KLHL5: variants seen among roughly 807,000 people sequenced by gnomAD.
KLHL5 encodes the protein kelch like family member 5.
In KLHL5, 48 loss-of-function variants were observed where a neutral mutation model predicts 77.7. The ratio of observed to expected loss-of-function variants is 0.62; its 90% CI spans 0.49 to 0.79. The LOEUF (loss-of-function observed/expected upper bound fraction) is 0.79. Ranked by LOEUF, KLHL5 falls within the 30% of genes least tolerant of loss-of-function variation. The pLI is 0.00. For missense variants in KLHL5, 723 were observed against 859.7 expected, an observed-to-expected ratio of 0.84 and a Z score of 1.99; for synonymous variants, 260 against 297.0, an observed-to-expected ratio of 0.88 and a Z score of 1.28.
intron 2 of KLHL5, among the ~76,000 whole-genome samples, chr4:39,079,568 C>T (rs181591173): frequency 8.5e-5 from 13 of 152,304 alleles, no homozygotes; most frequent in African/African-American, 2.9e-4. Flanking sequence ...CATCTTTGCC[C>T]GTGTCACTTT....
In KLHL5 at chr4:39,062,527, T is replaced by A. The variant is rs1243215816; in HGVS notation, c.-126T>A. ...TGTAGATATATATATGAATGTGATT[T>A]ATTTTCCTTTACATATTTTTGTTGT... On this transcript the variant is annotated 5_prime_UTR_variant, in exon 1 of 11. Coordinates refer to ENST00000504108, the MANE Select transcript of KLHL5 (RefSeq NM_015990.5). 4.4e-6 allele frequency: 7 copies of A among 1,608,224 alleles called. No individual in the cohort carries two copies. The highest frequency in any genetic ancestry group is 6.0e-6 in the Non-Finnish European group (7 of 1,175,284).
At chr4:39,079,075 C>G (rs942332598) in intron 2 of KLHL5, among the ~76,000 whole-genome samples, 1 of 152,060 alleles carries the variant, frequency 6.6e-6, no homozygotes. Flanking sequence ...TATTTCAACC[C>G]GAATTTCATA....
chr4:39,053,853 G>A (rs113747587), intron 1 of KLHL5, among the ~76,000 whole-genome samples: 2 of 152,268 alleles, frequency 1.3e-5, no homozygotes, highest in South Asian at 2.1e-4. Flanking sequence ...GGAATAAAAC[G>A]ATTCTTTTGA....
chr4:39,115,010 GA>G, intron 9 of KLHL5, 148 bp from the exon 10 acceptor site: 1 of 711,838 alleles, frequency 1.4e-6, no homozygotes, highest in Non-Finnish European at 2.3e-6. Context: ...AGTTTTCAGA[GA>G]AATACTGATA....
chr4:39,096,560 A>T, intron 5 of KLHL5, 132 bp from the exon 6 acceptor site: 1 of 603,810 alleles, frequency 1.7e-6, no homozygotes, highest in South Asian at 2.4e-5. Flanking sequence ...TGCATATTTT[A>T]GTTAAAAATA....
intron 1 of KLHL5, among the ~76,000 whole-genome samples, chr4:39,056,179 A>G (rs1006772597): frequency 1.3e-5 from 2 of 152,204 alleles, no homozygotes; most frequent in African/African-American, 4.8e-5. Flanking sequence ...CAGCCGTGCA[A>G]TGGCACAGTC....
intron 4 of KLHL5, among the ~76,000 whole-genome samples, chr4:39,082,805 A>C (rs752481793): frequency 3.0e-4 from 45 of 152,126 alleles, no homozygotes; most frequent in Non-Finnish European, 5.7e-4. Context: ...TTGACCTAGG[A>C]TAGTAAGAAA....
intron 2 of KLHL5, among the ~76,000 whole-genome samples, chr4:39,078,563 C>T (rs779955469): frequency 6.9e-4 from 105 of 152,072 alleles, no homozygotes; most frequent in Admixed American, 2.7e-3. Flanking sequence ...GGCGTGGTGG[C>T]GTGAACCTGT....
upstream of KLHL5, among the ~76,000 whole-genome samples, chr4:39,058,034 CAG>C (rs1177292290): frequency 6.6e-6 from 1 of 152,136 alleles, no homozygotes; most frequent in African/African-American, 2.4e-5. Flanking sequence ...GGTTTTGAAA[CAG>C]AAGTTGCACA....
chr4:39,062,239 C>CGGG lies in KLHL5; in HGVS notation c.-412_-410dup. ...AGCAGCAGAGACTGAGATACTGCAA[C>CGGG]GGGGATAGTGTTTTCTGTCTCTGTC... On this transcript the variant is annotated 5_prime_UTR_variant, in exon 1 of 11. Coordinates refer to ENST00000504108, the MANE Select transcript of KLHL5 (RefSeq NM_015990.5). 8.1e-7 allele frequency: 1 copy of CGGG among 1,239,604 alleles called. No individual in the cohort carries two copies. Among genetic ancestry groups the CGGG allele is most frequent in the Non-Finnish European group, 1.0e-6 (1 of 987,478 alleles). 76.8% of individuals were successfully genotyped at this position (1,239,604 alleles called of 1,614,324 possible).
At chr4:39,054,612 C>T (rs952167056) in intron 1 of KLHL5, among the ~76,000 whole-genome samples, 5 of 152,198 alleles carry the variant, frequency 3.3e-5, no homozygotes, top group Non-Finnish European at 7.3e-5. Context: ...AAGTGATTTG[C>T]CCAAATTATA....
intron 1 of KLHL5, among the ~76,000 whole-genome samples, chr4:39,048,389 A>T (rs1716361619): frequency 6.6e-6 from 1 of 152,092 alleles, no homozygotes. Context: ...TCATTGCTTC[A>T]CTCCATTTAT....
At chr4:39,087,117 G>T (rs1484754569) in intron 5 of KLHL5, among the ~76,000 whole-genome samples, 4 of 151,828 alleles carry the variant, frequency 2.6e-5, no homozygotes, top group Non-Finnish European at 4.4e-5. Context: ...CACCATATTG[G>T]CCAGGCTGGT....
At chr4:39,088,207 A>C (rs2109416328) in intron 5 of KLHL5, among the ~76,000 whole-genome samples, 1 of 152,348 alleles carries the variant, frequency 6.6e-6, no homozygotes, top group East Asian at 1.9e-4. Flanking sequence ...CTGTAGTTTC[A>C]GATATTTATG....
intron 4 of KLHL5, among the ~76,000 whole-genome samples, chr4:39,083,356 G>A (rs1449291092): frequency 6.6e-6 from 1 of 152,056 alleles, no homozygotes; most frequent in Non-Finnish European, 1.5e-5. Context: ...TCATTATATA[G>A]ATTTCCTCTA....
intron 8 of KLHL5, among the ~76,000 whole-genome samples, chr4:39,109,528 A>G (rs1722297173): frequency 1.3e-5 from 2 of 151,872 alleles, no homozygotes. Context: ...CGAACTCCTG[A>G]CCTCAGGTGA....
At chr4:39,136,300 C>T in the KLHL5 span, among the ~76,000 whole-genome samples, 1 of 151,994 alleles carries the variant, frequency 6.6e-6, no homozygotes, top group Non-Finnish European at 1.5e-5. Flanking sequence ...GCTGGGATTA[C>T]AGGTGCCCAC....
the KLHL5 span, among the ~76,000 whole-genome samples, chr4:39,143,088 C>T: frequency 2.0e-5 from 3 of 152,098 alleles, no homozygotes; most frequent in Non-Finnish European, 4.4e-5. Context: ...TCTGATTAAA[C>T]TGTATGGATT....
At chr4:39,131,712 C>G (rs35437629), downstream of KLHL5, among the ~76,000 whole-genome samples, 80,027 of 151,570 alleles carry the variant, frequency 0.53, 21,677 homozygotes, top group Non-Finnish European at 0.59. Context: ...AACATAGTGA[C>G]ATCTGTCTCT....
Sources: allele counts gnomAD v4.1 joint callset (sites outside exome capture counted in the v4.1 genomes callset), GRCh38; gene constraint gnomAD v4.1.1; transcripts MANE v1.5; gene names NCBI Gene and HGNC (gene_info 2026-07-23, HGNC 2026-07-21).